Variants in GNAI2 observed in about 807,000 individuals in gnomAD.
The protein encoded by GNAI2 is G protein subunit alpha i2, also known as guanine nucleotide-binding protein G(i) subunit alpha-2.
Under a neutral mutation model 36.8 loss-of-function variants are expected in GNAI2, and 4 were observed. The ratio of observed to expected loss-of-function variants is 0.11; its 90% confidence interval spans 0.05 to 0.25. GNAI2 has a LOEUF of 0.25. Ranked by LOEUF, GNAI2 falls within the 10% of genes least tolerant of loss-of-function variation. GNAI2 has a pLI of 1.00. For synonymous variants in GNAI2, 194 were observed against 194.1 expected (o/e 1.00, Z 0.01); for missense variants, 230 against 481.3 (o/e 0.48, Z 4.89).
In GNAI2 at chr3:50,257,694, G is replaced by T. The variant is rs200506702; in HGVS notation, c.*4G>T. On this transcript the variant is annotated 3_prime_UTR_variant, in exon 8 of 9. Transcript: ENST00000313601. ...GAAGGACTGCGGCCTCTTCTGAGGG[G>T]CAGCGGGGCCTGGCGGGATGGTGAG... 1 of 1,548,044 alleles carries T rather than the reference G, an allele frequency of 6.5e-7. No homozygotes were observed. The highest frequency in any genetic ancestry group is 1.4e-5 in the African/African-American group (1 of 73,350).
At position 50,236,981 on chromosome 3, in the gene GNAI2, C is replaced by G. The variant is rs1700187953; in HGVS notation, c.118+528C>G. Among the ~76,000 whole-genome samples the G allele has an allele frequency of 6.6e-6, 1 of 152,186 alleles. No homozygotes were observed. The highest frequency in any genetic ancestry group is 2.1e-4 in the South Asian group (1 of 4,834). ...TATCCTCCACCTGTGCACTCTGACCCAAGGAACCTCTCGAGTGGGAAACTG... is the reference window on the plus strand; with the variant it reads ...TATCCTCCACCTGTGCACTCTGACCGAAGGAACCTCTCGAGTGGGAAACTG... On this transcript the variant is annotated intron_variant, in intron 1 of 8. Transcript: ENST00000313601. The surrounding 1 kb of genome is among the most constrained non-coding windows in gnomAD (Gnocchi z 4.0).
At position 50,236,883 on chromosome 3, in the gene GNAI2, C is replaced by T. The variant is rs1395842098; in HGVS notation, c.118+430C>T. Among the ~76,000 whole-genome samples, 3 of 152,282 alleles carry T rather than the reference C, an allele frequency of 2.0e-5. No homozygotes were observed. The highest frequency in any genetic ancestry group is 1.3e-4 in the Admixed American group (2 of 15,300). On this transcript the variant is annotated intron_variant, in intron 1 of 8. Coordinates refer to ENST00000313601, the MANE Select transcript of GNAI2 (RefSeq NM_002070.4). The surrounding 1 kb of genome is among the most constrained non-coding windows in gnomAD (Gnocchi z 4.0). ...TTATTCCTATTGGGCATGAGCATCC[C>T]GCGGGGCCCCTGCCAGGCCCCCCAC...
In GNAI2 at chr3:50,252,744, A is replaced by G; in HGVS notation, c.303+206A>G. Among the ~76,000 whole-genome samples the G allele has an allele frequency of 6.6e-6, 1 of 152,152 alleles. No homozygotes were observed. The highest frequency in any genetic ancestry group is 2.4e-5 in the African/African-American group (1 of 41,438). On this transcript the variant is annotated intron_variant, in intron 3 of 8. Transcript: ENST00000313601. This position sits in a 1 kb window ranked among gnomAD's most constrained non-coding sequence, Gnocchi z 4.1. ...CCGAGCATGGTGGCACGTGCCTGTA[A>G]TCCCAGCTACTTGGGAGGCTGAAGC...
At chr3:50,256,574 CA>C (rs1700708933) in intron 5 of GNAI2, 148 bp from the exon 6 acceptor site, 1 of 875,790 alleles carries the variant, frequency 1.1e-6, no homozygotes, top group African/African-American at 1.7e-5. Flanking sequence ...GGCCCAGAAC[CA>C]GGGGTGAAGT....
At chr3:50,256,693 T>C (rs782455764) in intron 5 of GNAI2, 30 bp from the exon 6 acceptor site, 7 of 1,608,702 alleles carry the variant, frequency 4.4e-6, no homozygotes, top group Non-Finnish European at 4.3e-6. Flanking sequence ...CAGGCTCCCT[T>C]CCTGGAACTA....
intron 4 of GNAI2, among the ~76,000 whole-genome samples, chr3:50,254,513 C>G (rs1008039159): frequency 2.6e-5 from 4 of 152,274 alleles, no homozygotes; most frequent in African/African-American, 7.2e-5. Flanking sequence ...CTCCTCCTAC[C>G]CTTCTTACAT....
Position 50,230,936 on chromosome 3 carries a change from T to C in GNAI2, c.-101T>C, listed in dbSNP as rs77539664. 3.5e-3 allele frequency: 3,418 copies of C among 985,354 alleles called. 91 individuals are homozygous for C. The African/African-American group carries it at 0.056, about 16-fold the overall frequency. The allele number at this position is 985,354 out of a possible 1,614,324, so 61.0% of individuals were successfully genotyped here. On this transcript the variant is annotated 5_prime_UTR_variant, in exon 1 of 9. Transcript: ENST00000266027. Reference sequence around the variant, plus strand: ...CTGAGATGCCCACGATGTACCTCACTGATGACTGTGACTGGCTCCTGGCCC... The same window carrying C: ...CTGAGATGCCCACGATGTACCTCACCGATGACTGTGACTGGCTCCTGGCCC...
chr3:50,249,849 G>C (rs1013704454), intron 1 of GNAI2, among the ~76,000 whole-genome samples: 1 of 152,244 alleles, frequency 6.6e-6, no homozygotes, highest in African/African-American at 2.4e-5. Flanking sequence ...GGTGGTCTCT[G>C]GCGTAGGGGG....
rs1553703006 is a variant in GNAI2, at chr3:50,255,276, G to A, written c.465-916G>A. ...GGGCATGGCAGGGATATTGAGGCAG[G>A]CAGCAGAGGCAGGCCCTGCAGGGGT... On this transcript the variant is annotated intron_variant, in intron 4 of 8. Transcript: ENST00000313601. The surrounding 1 kb of genome is among the most constrained non-coding windows in gnomAD (Gnocchi z 4.0). Among the ~76,000 whole-genome samples the A allele has an allele frequency of 6.6e-6, 1 of 152,162 alleles. No homozygotes were observed. The highest frequency in any genetic ancestry group is 2.4e-5 in the African/African-American group (1 of 41,454).
chr3:50,251,420 TGTGTGG>T, intron 1 of GNAI2: 3 of 1,035,762 alleles, frequency 2.9e-6, no homozygotes, highest in East Asian at 1.1e-4. Context: ...AGTATGGGCG[TGTGTGG>T]GTGTGGGTGT....
chr3:50,227,103 G>T (rs1042974819), upstream of GNAI2: 9 of 1,342,562 alleles, frequency 6.7e-6, no homozygotes, highest in South Asian at 1.8e-5. The surrounding 1 kb of genome is among the most constrained non-coding windows in gnomAD (Gnocchi z 5.9). Context: ...AAGTGGAAGC[G>T]CGAGAAGGAG....
upstream of GNAI2, among the ~76,000 whole-genome samples, chr3:50,233,358 G>A (rs1430538013): frequency 6.6e-6 from 1 of 152,204 alleles, no homozygotes; most frequent in Admixed American, 6.5e-5. Context: ...GGGCCTCCAA[G>A]GGGCTGACAG....
At chr3:50,229,354 C>G (rs1209919411), upstream of GNAI2, 2 of 152,250 alleles carry the variant, frequency 1.3e-5, no homozygotes, top group Admixed American at 6.5e-5. Flanking sequence ...TAGGCCTTGG[C>G]CCCAAAGCCC....
At chr3:50,251,387 C>G (rs2109208369) in intron 1 of GNAI2, 1 of 1,012,940 alleles carries the variant, frequency 9.9e-7, no homozygotes. Flanking sequence ...AGGGCTGTAC[C>G]AGGCCAGGGA....
At chr3:50,246,463 C>T (rs1290922383) in intron 1 of GNAI2, among the ~76,000 whole-genome samples, 3 of 152,192 alleles carry the variant, frequency 2.0e-5, no homozygotes, top group Non-Finnish European at 4.4e-5. Flanking sequence ...GTGGCACCTT[C>T]CTGGGATAAG....
chr3:50,235,549 A>T (rs1700143756), upstream of GNAI2, among the ~76,000 whole-genome samples: 1 of 151,892 alleles, frequency 6.6e-6, no homozygotes, highest in South Asian at 2.1e-4. Context: ...AGAACTCCTG[A>T]CCTCAAGTGA....
Position 50,253,386 on chromosome 3 carries a change from C to G in GNAI2, c.464+202C>G, listed in dbSNP as rs1700612779. Reference sequence around the variant, plus strand: ...CTGAAAGGCCAGGAGGAATGACAGGCAGGTGGCTTATACAGTACATCTCTT... The same window carrying G: ...CTGAAAGGCCAGGAGGAATGACAGGGAGGTGGCTTATACAGTACATCTCTT... On this transcript the variant is annotated intron_variant, in intron 4 of 8. Coordinates refer to ENST00000313601, the MANE Select transcript of GNAI2 (RefSeq NM_002070.4). The surrounding 1 kb of genome is among the most constrained non-coding windows in gnomAD (Gnocchi z 4.2). 6.6e-6 allele frequency among the ~76,000 whole-genome samples: 1 copy of G among 152,192 alleles called. No homozygotes were observed. Among genetic ancestry groups the G allele is most frequent in the Admixed American group, 6.5e-5 (1 of 15,276 alleles).
In GNAI2 at chr3:50,251,869, CAG is replaced by C. The variant is rs375539320; in HGVS notation, c.119-226_119-225del. 4.7e-4 allele frequency: 521 copies of C among 1,119,898 alleles called. 2 individuals carry two copies. In the African/African-American group the frequency reaches 7.3e-3, roughly 16 times the overall value. 69.4% of individuals were successfully genotyped at this position (1,119,898 alleles called of 1,614,324 possible). A position where few individuals can be genotyped will look rare whatever the true frequency, so the allele number is the denominator to read the frequency against. Reference sequence around the variant, plus strand: ...AGAGCTTGTGGGAGGCAAAGGCCTGCAGAGAGTCTGCCATGGGGCACAGGTGC... The same window carrying C: ...AGAGCTTGTGGGAGGCAAAGGCCTGCAGAGTCTGCCATGGGGCACAGGTGC... On this transcript the variant is annotated intron_variant, in intron 1 of 8. Transcript: ENST00000313601.
At chr3:50,237,313 CTA>C (rs1465651183) in intron 1 of GNAI2, among the ~76,000 whole-genome samples, 1 of 152,092 alleles carries the variant, frequency 6.6e-6, no homozygotes. Context: ...CAAGGAGGCT[CTA>C]TGTTTTCCAG....
Sources: allele counts gnomAD v4.1 joint callset (sites outside exome capture counted in the v4.1 genomes callset), GRCh38; gene constraint gnomAD v4.1.1; non-coding constraint Gnocchi (gnomAD v3.1); transcripts MANE v1.5; gene names NCBI Gene and HGNC (gene_info 2026-07-23, HGNC 2026-07-21).